PRKAR1A: variants seen among roughly 807,000 people sequenced by gnomAD.
PRKAR1A encodes cAMP-dependent protein kinase type I-alpha regulatory subunit.
PRKAR1A carries 3 observed loss-of-function variants against 52.0 expected under a neutral mutation model. That is an observed-to-expected ratio of 0.06 (90% confidence interval 0.03 to 0.15). PRKAR1A has a LOEUF of 0.15. PRKAR1A is among the 10% of genes least tolerant of loss of function. The pLI, the probability that PRKAR1A is intolerant of heterozygous loss-of-function variation, is 1.00. For missense variants in PRKAR1A, 240 were observed against 477.4 expected (o/e 0.50, Z 4.63); for synonymous variants, 188 against 168.4 (o/e 1.12, Z -0.90).
At chr17:68,549,578 T>C (rs2086738057) in intron 11 of PRKAR1A, among the ~76,000 whole-genome samples, 1 of 152,196 alleles carries the variant, frequency 6.6e-6, no homozygotes, top group Non-Finnish European at 1.5e-5. Flanking sequence ...CCTGGTGATT[T>C]GTGGTGCGTT....
chr17:68,508,717 G>A (rs1427411397), upstream of PRKAR1A, among the ~76,000 whole-genome samples: 1 of 152,182 alleles, frequency 6.6e-6, no homozygotes, highest in Non-Finnish European at 1.5e-5. Context: ...ATGAAGATAT[G>A]TTTTAGATTA....
the PRKAR1A span, among the ~76,000 whole-genome samples, chr17:68,491,997 TG>T: frequency 2.6e-5 from 4 of 152,200 alleles, no homozygotes; most frequent in Non-Finnish European, 5.9e-5. Context: ...GGGGAAGGGT[TG>T]GAGGTCATCC....
the PRKAR1A span, chr17:68,457,207 T>C: frequency 9.6e-7 from 1 of 1,039,938 alleles, no homozygotes; most frequent in Non-Finnish European, 1.4e-6. Context: ...AAGATCCCAA[T>C]GCGTCCGAAG....
chr17:68,459,072 T>C, the PRKAR1A span, among the ~76,000 whole-genome samples: 1 of 152,240 alleles, frequency 6.6e-6, no homozygotes, highest in African/African-American at 2.4e-5. Context: ...TTCTCAACTT[T>C]ATTATTTTTT....
chr17:68,433,650 T>G, the PRKAR1A span: 9 of 1,250,946 alleles, frequency 7.2e-6, no homozygotes, highest in African/African-American at 1.3e-4. Flanking sequence ...GAGATCAGCT[T>G]TATAAGAAAA....
At chr17:68,487,726 G>T in the PRKAR1A span, among the ~76,000 whole-genome samples, 4 of 151,824 alleles carry the variant, frequency 2.6e-5, no homozygotes, top group African/African-American at 9.7e-5. Context: ...GCTTGAAGCA[G>T]GAGGCGGAGG....
chr17:68,427,836 C>T, the PRKAR1A span, among the ~76,000 whole-genome samples: 3 of 152,202 alleles, frequency 2.0e-5, no homozygotes, highest in East Asian at 5.8e-4. Flanking sequence ...GCCCTGGCCA[C>T]AGCAGGAGAG....
At chr17:68,487,944 T>TA in the PRKAR1A span, among the ~76,000 whole-genome samples, 1,949 of 149,828 alleles carry the variant, frequency 0.013, 43 homozygotes, top group African/African-American at 0.044. Context: ...CAAAAATAAA[T>TA]AAAAAAAATG....
At chr17:68,539,899 A>C (rs2143461710) in intron 11 of PRKAR1A, 1 of 1,614,142 alleles carries the variant, frequency 6.2e-7, no homozygotes. Context: ...TGGCGTTGTC[A>C]AGGTGAATAA....
At chr17:68,450,979 G>A in the PRKAR1A span, 14 of 1,511,408 alleles carry the variant, frequency 9.3e-6, no homozygotes, top group African/African-American at 7.0e-5. Flanking sequence ...TGGGCCCGGC[G>A]CAGGCCAGGT....
intron 11 of PRKAR1A, among the ~76,000 whole-genome samples, chr17:68,544,940 C>T (rs922379894): frequency 6.6e-6 from 1 of 152,186 alleles, no homozygotes; most frequent in African/African-American, 2.4e-5. Flanking sequence ...TAGATCAGTG[C>T]TTCTCATACT....
intron 2 of PRKAR1A, among the ~76,000 whole-genome samples, chr17:68,515,978 T>C (rs1281712721): frequency 6.6e-6 from 1 of 152,206 alleles, no homozygotes. Context: ...GTAAATCTTA[T>C]CCCACTTTTA....
chr17:68,468,729 G>A, the PRKAR1A span, among the ~76,000 whole-genome samples: 2 of 152,210 alleles, frequency 1.3e-5, no homozygotes, highest in Non-Finnish European at 2.9e-5. Flanking sequence ...AGAGGGTACA[G>A]ATTGGACCTT....
the PRKAR1A span, among the ~76,000 whole-genome samples, chr17:68,461,020 G>A: frequency 6.6e-6 from 1 of 152,138 alleles, no homozygotes; most frequent in East Asian, 1.9e-4. This position sits in a 1 kb window ranked among gnomAD's most constrained non-coding sequence, Gnocchi z 4.6. Context: ...TGGGCTTATG[G>A]GCAACCTAAG....
the PRKAR1A span, chr17:68,433,546 C>G: frequency 6.2e-7 from 1 of 1,613,952 alleles, no homozygotes; most frequent in Non-Finnish European, 8.5e-7. Context: ...TGAATCCATA[C>G]TGAACACTAG....
At chr17:68,536,278 A>G (rs1261284683), downstream of PRKAR1A, 3 of 454,028 alleles carry the variant, frequency 6.6e-6, no homozygotes, top group Admixed American at 7.0e-5. Flanking sequence ...CCTTTACTGG[A>G]AAAGTTGATT....
chr17:68,501,630 AT>A, the PRKAR1A span, among the ~76,000 whole-genome samples: 2 of 151,952 alleles, frequency 1.3e-5, no homozygotes, highest in South Asian at 2.1e-4. Context: ...TAATTTTTAA[AT>A]TTTTTTGTAG....
intron 11 of PRKAR1A, chr17:68,542,298 G>C: frequency 2.0e-6 from 2 of 1,018,008 alleles, no homozygotes; most frequent in Non-Finnish European, 2.9e-6. Flanking sequence ...GAAGAAGAAG[G>C]AAACATTGAC....
chr17:68,423,938 G>A, the PRKAR1A span, among the ~76,000 whole-genome samples: 1 of 152,126 alleles, frequency 6.6e-6, no homozygotes, highest in Non-Finnish European at 1.5e-5. The surrounding 1 kb of genome is among the most constrained non-coding windows in gnomAD (Gnocchi z 4.4). Context: ...TTAGTGAAAC[G>A]GAACCTAGTG....
Sources: allele counts gnomAD v4.1 joint callset (sites outside exome capture counted in the v4.1 genomes callset), GRCh38; gene constraint gnomAD v4.1.1; non-coding constraint Gnocchi (gnomAD v3.1); transcripts MANE v1.5; gene names NCBI Gene and HGNC (gene_info 2026-07-23, HGNC 2026-07-21).